CELF4: variants seen among roughly 807,000 people sequenced by gnomAD.
CELF4 encodes CUG-BP- and ETR-3-like factor 4.
In CELF4, 18 loss-of-function variants were observed where a neutral mutation model predicts 59.9. The observed-to-expected ratio is 0.30, with a 90% CI of 0.21 to 0.45. The LOEUF (loss-of-function observed/expected upper bound fraction) is 0.45. Among genes scored for constraint, CELF4 ranks in the 20% least tolerant of loss-of-function variants. The pLI, the probability that CELF4 is intolerant of heterozygous loss-of-function variation, is 1.00. For synonymous variants in CELF4, 261 were observed against 267.1 expected, an observed-to-expected ratio of 0.98 and a Z score of 0.22; for missense variants, 456 against 689.0, an observed-to-expected ratio of 0.66 and a Z score of 3.79.
intron 2 of CELF4, among the ~76,000 whole-genome samples, chr18:37,338,232 ACT>A (rs754937392): frequency 1.0e-4 from 2 of 20,090 alleles, no homozygotes. Context: ...CACCACCACC[ACT>A]GTCACTGCCA....
chr18:37,318,209 C>T (rs911350265), intron 3 of CELF4, among the ~76,000 whole-genome samples: 3 of 152,078 alleles, frequency 2.0e-5, no homozygotes, highest in Non-Finnish European at 4.4e-5. Context: ...GCGGCCACTG[C>T]TGGCTTCTGC....
intron 2 of CELF4, among the ~76,000 whole-genome samples, chr18:37,485,298 C>A (rs1433744181): frequency 1.3e-5 from 2 of 151,838 alleles, no homozygotes; most frequent in Non-Finnish European, 1.5e-5. Flanking sequence ...CCAGGCTGCC[C>A]GCGCAGGAAC....
intron 12 of CELF4, among the ~76,000 whole-genome samples, chr18:37,252,583 C>T (rs1456228156): frequency 6.6e-6 from 1 of 151,464 alleles, no homozygotes; most frequent in African/African-American, 2.4e-5. Flanking sequence ...CACTCTGCAG[C>T]CCCACCTTGC....
chr18:37,381,988 C>T (rs926506962), intron 2 of CELF4, among the ~76,000 whole-genome samples: 8 of 152,196 alleles, frequency 5.3e-5, no homozygotes, highest in African/African-American at 1.9e-4. Flanking sequence ...GAGCCTTGGA[C>T]TGGGAAGGTG....
chr18:37,547,220 C>T (rs1402099495), intron 1 of CELF4, among the ~76,000 whole-genome samples: 1 of 147,898 alleles, frequency 6.8e-6, no homozygotes, highest in Non-Finnish European at 1.5e-5. Context: ...GCAGGGCCAT[C>T]TTCTCTTCCA....
At chr18:37,460,782 C>G (rs972140727) in intron 2 of CELF4, among the ~76,000 whole-genome samples, 15 of 152,252 alleles carry the variant, frequency 9.9e-5, no homozygotes, top group African/African-American at 3.6e-4. Flanking sequence ...CCACAGAAGT[C>G]TGGTCACTGT....
At chr18:37,325,229 C>T (rs2154526082) in intron 2 of CELF4, among the ~76,000 whole-genome samples, 3 of 152,228 alleles carry the variant, frequency 2.0e-5, no homozygotes, top group Middle Eastern at 3.4e-3. Flanking sequence ...AGGCAGACCC[C>T]ACATCCCTAG....
chr18:37,546,878 G>A (rs1329623304), intron 1 of CELF4, among the ~76,000 whole-genome samples: 5 of 152,100 alleles, frequency 3.3e-5, no homozygotes, highest in Admixed American at 2.6e-4. Flanking sequence ...GTTTGTCTAC[G>A]CAGGACAGGG....
intron 2 of CELF4, among the ~76,000 whole-genome samples, chr18:37,325,608 C>T (rs2097282768): frequency 6.6e-6 from 1 of 152,188 alleles, no homozygotes; most frequent in Admixed American, 6.5e-5. Flanking sequence ...AGACCTCCTC[C>T]ATGGCGTGCT....
chr18:37,343,464 C>T (rs989436238), intron 2 of CELF4, among the ~76,000 whole-genome samples: 1 of 151,756 alleles, frequency 6.6e-6, no homozygotes, highest in Non-Finnish European at 1.5e-5. Flanking sequence ...CGCAGAGCTG[C>T]ATACAGCCAC....
chr18:37,348,175 T>G (rs2098333553), intron 2 of CELF4, among the ~76,000 whole-genome samples: 1 of 152,146 alleles, frequency 6.6e-6, no homozygotes, highest in African/African-American at 2.4e-5. Flanking sequence ...AACAGCCTTT[T>G]GGAAAGAGCA....
intron 2 of CELF4, among the ~76,000 whole-genome samples, chr18:37,460,341 G>A (rs1198719216): frequency 6.6e-6 from 1 of 152,194 alleles, no homozygotes; most frequent in Non-Finnish European, 1.5e-5. Context: ...CAGCTCTTAT[G>A]CTGAGCGAGG....
intron 3 of CELF4, among the ~76,000 whole-genome samples, chr18:37,301,628 G>T (rs1316817663): frequency 6.6e-6 from 1 of 152,130 alleles, no homozygotes; most frequent in Non-Finnish European, 1.5e-5. Context: ...CCTTCCTCAG[G>T]TTCCATGAGC....
intron 1 of CELF4, among the ~76,000 whole-genome samples, chr18:37,552,572 C>A (rs957458754): frequency 6.6e-6 from 1 of 152,286 alleles, no homozygotes; most frequent in Admixed American, 6.5e-5. Flanking sequence ...GCCTCTGCTG[C>A]AGACTAGCCC....
Position 37,563,571 on chromosome 18 carries a change from GA to G in CELF4, c.286+1784del, listed in dbSNP as rs559246486. Among the ~76,000 whole-genome samples the G allele has an allele frequency of 3.3e-3, 509 of 152,186 alleles. 3 individuals carry two copies. Among genetic ancestry groups the G allele is most frequent in the Non-Finnish European group, 5.5e-3 (376 of 68,006 alleles). ...ACAAAGATATGGTTGACTTGAGAGG[GA>G]GGGGGGGAAAAAGAAAGTGTTTTCT... On this transcript the variant is annotated intron_variant, in intron 1 of 12. Coordinates refer to ENST00000420428, the MANE Select transcript of CELF4 (RefSeq NM_020180.4).
chr18:37,450,837 C>G (rs1001154194), intron 2 of CELF4, among the ~76,000 whole-genome samples: 1 of 152,166 alleles, frequency 6.6e-6, no homozygotes, highest in South Asian at 2.1e-4. Context: ...AGGCTCCTAG[C>G]AAGGGACAAC....
intron 3 of CELF4, among the ~76,000 whole-genome samples, chr18:37,292,034 A>T (rs2095366751): frequency 2.0e-5 from 2 of 102,296 alleles, no homozygotes; most frequent in Admixed American, 1.0e-4. Flanking sequence ...TAGCACCCTT[A>T]TAAAAAAAAA....
At chr18:37,469,729 G>A (rs1044186322) in intron 2 of CELF4, among the ~76,000 whole-genome samples, 27 of 152,206 alleles carry the variant, frequency 1.8e-4, no homozygotes, top group Admixed American at 1.7e-3. Context: ...GAGTGAGGGA[G>A]GGCTCAAACA....
intron 12 of CELF4, among the ~76,000 whole-genome samples, chr18:37,252,073 G>A (rs1167448223): frequency 6.6e-6 from 1 of 152,176 alleles, no homozygotes; most frequent in East Asian, 1.9e-4. Context: ...ACTTCTGGGT[G>A]GAGGAAGGGT....
Sources: allele counts gnomAD v4.1 joint callset (sites outside exome capture counted in the v4.1 genomes callset), GRCh38; gene constraint gnomAD v4.1.1; transcripts MANE v1.5; gene names NCBI Gene and HGNC (gene_info 2026-07-23, HGNC 2026-07-21).